Variants in MAP3K2 observed in about 807,000 individuals in gnomAD.
MAP3K2 encodes MAP/ERK kinase kinase 2.
MAP3K2 carries 24 observed loss-of-function variants against 80.3 expected under a neutral mutation model. The ratio of observed to expected loss-of-function variants is 0.30; its 90% CI spans 0.22 to 0.42. The LOEUF is 0.42. Among genes scored for constraint, MAP3K2 ranks in the 10% least tolerant of loss-of-function variants. The pLI is 1.00. For missense variants in MAP3K2, 608 were observed against 750.1 expected, an observed-to-expected ratio of 0.81 and a Z score of 2.21; for synonymous variants, 244 against 253.7, an observed-to-expected ratio of 0.96 and a Z score of 0.36.
At chr2:127,324,555 C>A (rs1686092254) in intron 9 of MAP3K2, among the ~76,000 whole-genome samples, 1 of 152,180 alleles carries the variant, frequency 6.6e-6, no homozygotes, top group South Asian at 2.1e-4. Flanking sequence ...AATCACCCTT[C>A]TGCATCAACA....
At chr2:127,342,505 C>G (rs1416467560) in intron 2 of MAP3K2, among the ~76,000 whole-genome samples, 1 of 151,936 alleles carries the variant, frequency 6.6e-6, no homozygotes, top group Non-Finnish European at 1.5e-5. Context: ...ATCCCAGGAT[C>G]AGTCTAAGTT....
Position 127,324,249 on chromosome 2 carries a change from GA to G in MAP3K2, c.678-9del. 3 of 1,503,218 alleles carry G rather than the reference GA, an allele frequency of 2.0e-6. No homozygotes were observed. Among genetic ancestry groups the G allele is most frequent in the Middle Eastern group, 1.7e-4 (1 of 5,802 alleles). The allele number at this position is 1,503,218 out of a possible 1,614,324, so 93.1% of individuals were successfully genotyped here. On this transcript the variant is annotated splice_polypyrimidine_tract_variant and intron_variant, in intron 9 of 16. Transcript: ENST00000682094. ...GATTTTGGATAGCTCTCTCTATAAA[GA>G]AAAAACATCACATTAAGTTTACAGA...
rs1364346622 is a variant in MAP3K2, at chr2:127,307,830, T to A, written c.1635-26A>T. The A allele has an allele frequency of 2.7e-6, 4 of 1,471,142 alleles. No individual in the cohort carries two copies. The highest frequency in any genetic ancestry group is 3.7e-6 in the Non-Finnish European group (4 of 1,073,348). The allele number at this position is 1,471,142 out of a possible 1,614,324, so 91.1% of individuals were successfully genotyped here. The stretch of plus-strand genomic sequence containing the variant: ...CTGAAAAGAAACAAAAAGAAATACA[T>A]TACACAAACAACAACATGAAAGAAA... On this transcript the variant is annotated intron_variant, in intron 16 of 16. Coordinates refer to ENST00000682094, the MANE Select transcript of MAP3K2 (RefSeq NM_001371910.2). The surrounding 1 kb of genome is among the most constrained non-coding windows in gnomAD (Gnocchi z 5.4).
intron 9 of MAP3K2, among the ~76,000 whole-genome samples, chr2:127,324,789 T>A (rs1686097567): frequency 6.6e-6 from 1 of 152,216 alleles, no homozygotes; most frequent in Admixed American, 6.5e-5. Context: ...TTTTTCAGAA[T>A]TTGCTTTCAT....
intron 1 of MAP3K2, among the ~76,000 whole-genome samples, chr2:127,353,743 A>G (rs1364248766): frequency 7.1e-4 from 108 of 152,102 alleles, no homozygotes; most frequent in Non-Finnish European, 1.1e-3. Flanking sequence ...TGGGAGGTGT[A>G]CCCAACAGCT....
chr2:127,379,263 A>G (rs1687208206), intron 1 of MAP3K2, among the ~76,000 whole-genome samples: 1 of 152,144 alleles, frequency 6.6e-6, no homozygotes, highest in Non-Finnish European at 1.5e-5. Context: ...ATCAAAATAG[A>G]CAGAATCTAT....
Position 127,330,377 on chromosome 2 carries a change from T to C in MAP3K2, c.378+15A>G. The C allele has an allele frequency of 1.5e-6, 2 of 1,341,440 alleles. No homozygotes were observed. The highest frequency in any genetic ancestry group is 2.6e-5 in the South Asian group (2 of 77,468). The allele number at this position is 1,341,440 out of a possible 1,614,324, so 83.1% of individuals were successfully genotyped here. On this transcript the variant is annotated intron_variant, in intron 6 of 16. Transcript: ENST00000682094. ...GTCCTATAATTCTTACTGAAAAAAA[T>C]ATCCCAAATCATACCTGTGTACTTC...
chr2:127,355,632 T>A (rs534977990), intron 1 of MAP3K2, among the ~76,000 whole-genome samples: 1 of 152,188 alleles, frequency 6.6e-6, no homozygotes, highest in East Asian at 1.9e-4. Flanking sequence ...GGCTCCTGAC[T>A]GATAAGGGTG....
intron 2 of MAP3K2, among the ~76,000 whole-genome samples, chr2:127,341,354 A>T (rs1157262632): frequency 1.3e-5 from 2 of 151,966 alleles, no homozygotes; most frequent in Admixed American, 1.3e-4. Context: ...TATATATGTA[A>T]AAAATGGTGG....
intron 15 of MAP3K2, among the ~76,000 whole-genome samples, chr2:127,309,258 T>C (rs1485346504): frequency 6.6e-6 from 1 of 152,190 alleles, no homozygotes; most frequent in African/African-American, 2.4e-5. Flanking sequence ...GTTTTCTTAA[T>C]ATTGAATCTT....
At chr2:127,343,052 A>G (rs1413770740) in intron 2 of MAP3K2, 74 bp downstream of exon 2, 25 of 1,163,968 alleles carry the variant, frequency 2.1e-5, no homozygotes, top group Non-Finnish European at 3.1e-5. Context: ...ATAATAACAC[A>G]TAATAGAGAA....
At position 127,299,975 on chromosome 2, in the gene MAP3K2, CCT is replaced by C. The variant is rs1685559561; in HGVS notation, c.*7602_*7603del. On this transcript the variant is annotated 3_prime_UTR_variant, in exon 17 of 17. Coordinates refer to ENST00000682094, the MANE Select transcript of MAP3K2 (RefSeq NM_001371910.2). ...AACATCTCCACACAAACATACATCC[CCT>C]GATACACAGTTAAAAGCATACTTTC... is the stretch of plus-strand genomic sequence containing the variant. 1 of 17,980 alleles carries C rather than the reference CCT, an allele frequency of 5.6e-5. No individual in the cohort carries two copies. Among genetic ancestry groups the C allele is most frequent in the South Asian group, 7.2e-4 (1 of 1,382 alleles). 1.1% of individuals were successfully genotyped at this position (17,980 alleles called of 1,614,324 possible).
intron 1 of MAP3K2, among the ~76,000 whole-genome samples, chr2:127,349,488 A>G (rs1410341717): frequency 1.3e-5 from 2 of 152,032 alleles, no homozygotes; most frequent in East Asian, 1.9e-4. Context: ...CATCATGCCT[A>G]TCAGTACCAT....
chr2:127,329,859 T>C, intron 7 of MAP3K2, 62 bp downstream of exon 7: 1 of 933,484 alleles, frequency 1.1e-6, no homozygotes, highest in Non-Finnish European at 1.8e-6. Context: ...CCACACTACA[T>C]TAAAGGATGG....
At chr2:127,326,917 G>A in intron 7 of MAP3K2, 100 bp from the exon 8 acceptor site, 1 of 702,932 alleles carries the variant, frequency 1.4e-6, no homozygotes, top group South Asian at 3.1e-5. Flanking sequence ...AATAATTTCA[G>A]CAAAAGAAAA....
At position 127,298,764 on chromosome 2, in the gene MAP3K2, T is replaced by C. The variant is rs925048216; in HGVS notation, c.*8815A>G. On this transcript the variant is annotated 3_prime_UTR_variant, in exon 17 of 17. Coordinates refer to ENST00000682094, the MANE Select transcript of MAP3K2 (RefSeq NM_001371910.2). ...GAAGGTTACTTATTAGAGTAAGCCT[T>C]TGCACCACAATCTTTCAAAAAAATG... The C allele has an allele frequency of 6.6e-6, 1 of 152,190 alleles. No individual in the cohort carries two copies. The highest frequency in any genetic ancestry group is 1.5e-5 in the Non-Finnish European group (1 of 68,038). 9.4% of individuals were successfully genotyped at this position (152,190 alleles called of 1,614,324 possible).
intron 3 of MAP3K2, 116 bp downstream of exon 3, chr2:127,338,816 A>G: frequency 2.9e-6 from 2 of 691,202 alleles, no homozygotes; most frequent in Admixed American, 5.7e-5. Context: ...TGTAACAAAC[A>G]CTAACAAAAT....
chr2:127,379,818 C>T (rs1180884923), intron 1 of MAP3K2, among the ~76,000 whole-genome samples: 1 of 152,212 alleles, frequency 6.6e-6, no homozygotes. Flanking sequence ...GTCCTAGCTC[C>T]ACCACAGACA....
chr2:127,363,947 A>G (rs1442857794), intron 1 of MAP3K2, among the ~76,000 whole-genome samples: 1 of 152,176 alleles, frequency 6.6e-6, no homozygotes, highest in East Asian at 1.9e-4. Context: ...AGAGCCACCA[A>G]GCCCAGCCAG....
Sources: allele counts gnomAD v4.1 joint callset (sites outside exome capture counted in the v4.1 genomes callset), GRCh38; gene constraint gnomAD v4.1.1; non-coding constraint Gnocchi (gnomAD v3.1); transcripts MANE v1.5; gene names NCBI Gene and HGNC (gene_info 2026-07-23, HGNC 2026-07-21).